SPAG16: variants seen among roughly 807,000 people sequenced by gnomAD.
SPAG16 encodes sperm associated antigen 16, also known as sperm-associated antigen 16 protein.
SPAG16 carries 86 observed loss-of-function variants against 80.4 expected under a neutral mutation model. The ratio of observed to expected loss-of-function variants is 1.07; its 90% CI spans 0.90 to 1.28. The LOEUF (loss-of-function observed/expected upper bound fraction) is 1.28. Among genes scored for constraint, SPAG16 ranks in the 50% most tolerant of loss-of-function variants. SPAG16 has a pLI of 0.00. For missense variants in SPAG16, 870 were observed against 765.3 expected, an observed-to-expected ratio of 1.14 and a Z score of -1.61; for synonymous variants, 294 against 265.9, an observed-to-expected ratio of 1.11 and a Z score of -1.03.
At chr2:213,378,595 A>G (rs1383989677) in intron 9 of SPAG16, among the ~76,000 whole-genome samples, 1 of 152,240 alleles carries the variant, frequency 6.6e-6, no homozygotes, top group Non-Finnish European at 1.5e-5. Context: ...AGTACAGTGT[A>G]TACATGTACA....
intron 15 of SPAG16, among the ~76,000 whole-genome samples, chr2:214,328,143 T>C (rs1419708920): frequency 6.6e-6 from 1 of 151,684 alleles, no homozygotes; most frequent in African/African-American, 2.4e-5. Context: ...ATTGACAATG[T>C]TTAGCAGTCT....
chr2:213,359,919 A>G (rs1177722062), intron 7 of SPAG16, among the ~76,000 whole-genome samples: 1 of 152,164 alleles, frequency 6.6e-6, no homozygotes, highest in Non-Finnish European at 1.5e-5. Context: ...CCTTAATTTG[A>G]AAATTCTAAA....
chr2:213,350,916 G>C (rs1045117439), intron 7 of SPAG16, among the ~76,000 whole-genome samples: 4 of 151,622 alleles, frequency 2.6e-5, no homozygotes, highest in Non-Finnish European at 5.9e-5. Flanking sequence ...TTGCGGCCAG[G>C]AGTTTGAGAC....
intron 6 of SPAG16, among the ~76,000 whole-genome samples, chr2:213,348,739 G>A (rs11687848): frequency 0.9 from 137,020 of 152,244 alleles, 63,417 homozygotes; most frequent in East Asian, 1. Context: ...GTTTCTGCCA[G>A]GAGATCAGCT....
At chr2:213,687,611 C>T (rs1205218520) in intron 10 of SPAG16, among the ~76,000 whole-genome samples, 1 of 152,258 alleles carries the variant, frequency 6.6e-6, no homozygotes, top group East Asian at 1.9e-4. Context: ...TTGTTTTCTA[C>T]TAGAAATTGG....
intron 11 of SPAG16, among the ~76,000 whole-genome samples, chr2:213,892,465 G>A (rs547473815): frequency 1.3e-5 from 2 of 152,072 alleles, no homozygotes; most frequent in East Asian, 3.9e-4. Context: ...AAAAAACAAG[G>A]AATTAATAAG....
intron 11 of SPAG16, among the ~76,000 whole-genome samples, chr2:213,913,474 A>ATATG (rs199512517): frequency 0.015 from 2,192 of 149,134 alleles, 58 homozygotes; most frequent in African/African-American, 0.051. Context: ...AATAGAACGA[A>ATATG]TATGTGTGTG....
rs566211843 is a variant in SPAG16 at position 213,284,503 on chromosome 2, T to C, written c.20T>C (p.Met7Thr). Residue 7 changes from methionine (M) to threonine (T), a missense_variant, in exon 1 of 16, where the codon ATG becomes ACG. Coordinates refer to ENST00000331683, the MANE Select transcript of SPAG16 (RefSeq NM_024532.5). The part of the protein sequence containing the change: MAAQRG[M>T]PSSAVRVLEE... ...CCAGAGATGGCTGCTCAGCGAGGGATGCCCAGCTCCGCCGTGAGGGTCCTG... is the reference window on the plus strand; with the variant it reads ...CCAGAGATGGCTGCTCAGCGAGGGACGCCCAGCTCCGCCGTGAGGGTCCTG... 1.9e-6 allele frequency: 3 copies of C among 1,575,358 alleles called. No homozygotes were observed. The highest frequency in any genetic ancestry group is 2.3e-5 in the South Asian group (2 of 86,124).
At chr2:213,588,262 C>T (rs1193032262) in intron 10 of SPAG16, among the ~76,000 whole-genome samples, 1 of 152,052 alleles carries the variant, frequency 6.6e-6, no homozygotes, top group Non-Finnish European at 1.5e-5. Flanking sequence ...TTTATCTTTT[C>T]TAACAGAGCA....
intron 10 of SPAG16, among the ~76,000 whole-genome samples, chr2:213,650,705 C>T (rs952009226): frequency 6.6e-6 from 1 of 152,160 alleles, no homozygotes; most frequent in Non-Finnish European, 1.5e-5. Context: ...ATTTTCTCAG[C>T]AGTGGTCAAC....
intron 8 of SPAG16, among the ~76,000 whole-genome samples, chr2:213,372,127 AT>A (rs34515750): frequency 0.26 from 39,256 of 151,456 alleles, 5,875 homozygotes; most frequent in Middle Eastern, 0.44. Context: ...TATGAGATAA[AT>A]TTTTTTTTCA....
At position 213,493,937 on chromosome 2, in the gene SPAG16, C is replaced by T. The variant is rs557263000; in HGVS notation, c.1070+3847C>T. On this transcript the variant is annotated intron_variant, in intron 10 of 15. Transcript: ENST00000331683. Reference sequence around the variant, plus strand: ...TGTCCTTGCCATTCTCCTCTGCCATCGGGTTCTCTTCCTTTCCTCTCCTGA... The same window carrying T: ...TGTCCTTGCCATTCTCCTCTGCCATTGGGTTCTCTTCCTTTCCTCTCCTGA... Among the ~76,000 whole-genome samples the T allele has an allele frequency of 1.1e-4, 16 of 152,274 alleles. No individual in the cohort carries two copies. The South Asian group carries it at 2.7e-3, about 26-fold the overall frequency.
chr2:213,768,550 T>A (rs2069071937), intron 10 of SPAG16, among the ~76,000 whole-genome samples: 1 of 152,150 alleles, frequency 6.6e-6, no homozygotes, highest in Non-Finnish European at 1.5e-5. Context: ...ATGGAAGGTG[T>A]GGAAAGAGAT....
At chr2:213,850,471 G>C (rs970553149) in intron 10 of SPAG16, among the ~76,000 whole-genome samples, 3 of 152,216 alleles carry the variant, frequency 2.0e-5, no homozygotes, top group Non-Finnish European at 4.4e-5. Context: ...TTGGACAAAA[G>C]GCTGTGCTGT....
At chr2:213,424,355 T>G (rs2069777502) in intron 9 of SPAG16, among the ~76,000 whole-genome samples, 1 of 152,236 alleles carries the variant, frequency 6.6e-6, no homozygotes, top group Non-Finnish European at 1.5e-5. Flanking sequence ...CTTTTTACCA[T>G]TATAGAGATT....
At chr2:213,440,896 A>G (rs2070912219) in intron 9 of SPAG16, among the ~76,000 whole-genome samples, 1 of 152,226 alleles carries the variant, frequency 6.6e-6, no homozygotes, top group Non-Finnish European at 1.5e-5. Context: ...TAAATGAATT[A>G]GGTTGCATTA....
intron 15 of SPAG16, among the ~76,000 whole-genome samples, chr2:214,197,831 A>G (rs1461896883): frequency 6.6e-6 from 1 of 151,796 alleles, no homozygotes; most frequent in Admixed American, 6.6e-5. Flanking sequence ...CTATTAATAA[A>G]GTGAATATTA....
At chr2:213,918,358 T>C (rs1181847697) in intron 11 of SPAG16, among the ~76,000 whole-genome samples, 1 of 152,154 alleles carries the variant, frequency 6.6e-6, no homozygotes, top group African/African-American at 2.4e-5. Flanking sequence ...AGCTCTTCAT[T>C]GTATACATAT....
At chr2:214,316,960 A>G (rs1418308772) in intron 15 of SPAG16, among the ~76,000 whole-genome samples, 2 of 152,330 alleles carry the variant, frequency 1.3e-5, no homozygotes, top group Non-Finnish European at 1.5e-5. Flanking sequence ...TAAGTTAATA[A>G]GAAATCTCTA....
Sources: allele counts gnomAD v4.1 joint callset (sites outside exome capture counted in the v4.1 genomes callset), GRCh38; gene constraint gnomAD v4.1.1; transcripts MANE v1.5; gene names NCBI Gene and HGNC (gene_info 2026-07-23, HGNC 2026-07-21).